The following C1QTNF3 variants were observed in gnomAD, a reference collection of about 807,000 sequenced individuals.
The protein encoded by C1QTNF3 is complement C1q tumor necrosis factor-related protein 3.
Under a neutral mutation model 32.6 loss-of-function variants are expected in C1QTNF3, and 26 were observed. The ratio of observed to expected loss-of-function variants is 0.80; its 90% confidence interval spans 0.58 to 1.11. C1QTNF3 has a LOEUF of 1.11. Among genes scored for constraint, C1QTNF3 ranks in the 50% least tolerant of loss-of-function variants. C1QTNF3 has a pLI of 0.00. For synonymous variants in C1QTNF3, 155 were observed against 146.0 expected (o/e 1.06, Z -0.44); for missense variants, 362 against 398.2 (o/e 0.91, Z 0.77).
chr5:34,240,396 A>C, the C1QTNF3 span, among the ~76,000 whole-genome samples: 1 of 151,638 alleles, frequency 6.6e-6, no homozygotes, highest in South Asian at 2.1e-4. Context: ...AAAGAAAAAA[A>C]AGAGAAGATC....
the C1QTNF3 span, among the ~76,000 whole-genome samples, chr5:34,147,749 C>T: frequency 6.6e-6 from 1 of 152,060 alleles, no homozygotes; most frequent in Admixed American, 6.6e-5. Flanking sequence ...GATGCATACC[C>T]CAAACCTCAG....
At chr5:34,034,026 G>C (rs1433441134) in intron 2 of C1QTNF3, among the ~76,000 whole-genome samples, 1 of 152,124 alleles carries the variant, frequency 6.6e-6, no homozygotes, top group Non-Finnish European at 1.5e-5. Flanking sequence ...AATTAGCCAG[G>C]AGTGGTGGTG....
chr5:34,175,750 G>A, the C1QTNF3 span: 2 of 647,718 alleles, frequency 3.1e-6, no homozygotes, highest in South Asian at 1.8e-5. Flanking sequence ...CAGCCAAAAT[G>A]TCCAGAATGG....
the C1QTNF3 span, among the ~76,000 whole-genome samples, chr5:34,069,661 G>A: frequency 4.6e-5 from 7 of 152,216 alleles, no homozygotes; most frequent in African/African-American, 1.2e-4. Flanking sequence ...CGATGAGAAC[G>A]AAAGCAAAAT....
At chr5:34,147,597 A>G in the C1QTNF3 span, among the ~76,000 whole-genome samples, 2 of 152,116 alleles carry the variant, frequency 1.3e-5, no homozygotes, top group Admixed American at 6.5e-5. Flanking sequence ...CCTCACTTAT[A>G]AGTGGGAAAT....
At chr5:34,170,046 T>C in the C1QTNF3 span, among the ~76,000 whole-genome samples, 29 of 152,342 alleles carry the variant, frequency 1.9e-4, no homozygotes, top group African/African-American at 7.0e-4. Flanking sequence ...CTATGCCCAT[T>C]GGCAGATGAA....
the C1QTNF3 span, among the ~76,000 whole-genome samples, chr5:34,126,344 TGGCAATAGC>T: frequency 6.7e-6 from 1 of 150,004 alleles, no homozygotes; most frequent in Admixed American, 6.7e-5. Context: ...AGAACCTTGG[TGGCAATAGC>T]TCTGAAGTGA....
the C1QTNF3 span, among the ~76,000 whole-genome samples, chr5:34,213,788 T>C: frequency 1.5e-4 from 1 of 6,790 alleles, no homozygotes; most frequent in Non-Finnish European, 5.6e-4. Flanking sequence ...TATATATACA[T>C]ATATATATAT....
Position 34,043,020 on chromosome 5 carries a change from C to T in C1QTNF3, c.106G>A (p.Val36Met), listed in dbSNP as rs373831651. ...TGGCTTTGCACTATTCTTGCCACCA[C>T]TTTATTAGTTCTTCCGCTCACCTCC... The part of the protein sequence containing the change: ...YMEVSGRTNK[V>M]VARIVQSHQQ... Residue 36 changes from valine (V) to methionine (M), a missense_variant, in exon 1 of 6, where the codon GTG becomes ATG. Coordinates refer to ENST00000382065, the MANE Select transcript of C1QTNF3 (RefSeq NM_181435.6). 2 of 1,614,070 alleles carry T rather than the reference C, an allele frequency of 1.2e-6. No homozygotes were observed. Among genetic ancestry groups the T allele is most frequent in the African/African-American group, 2.7e-5 (2 of 74,920 alleles).
the C1QTNF3 span, among the ~76,000 whole-genome samples, chr5:34,113,004 A>G: frequency 7.5e-4 from 114 of 151,312 alleles, no homozygotes; most frequent in African/African-American, 2.6e-3. Context: ...ATCTAATTCA[A>G]TGAGGTTATC....
chr5:34,082,331 T>C, the C1QTNF3 span, among the ~76,000 whole-genome samples: 1 of 151,526 alleles, frequency 6.6e-6, no homozygotes. Context: ...AATGAGAATG[T>C]TGTGTGTCCC....
chr5:34,203,035 G>A, the C1QTNF3 span, among the ~76,000 whole-genome samples: 1 of 152,130 alleles, frequency 6.6e-6, no homozygotes, highest in Non-Finnish European at 1.5e-5. Flanking sequence ...AGCACACACT[G>A]AGGGAATTCG....
At chr5:34,108,343 A>G in the C1QTNF3 span, among the ~76,000 whole-genome samples, 9 of 152,196 alleles carry the variant, frequency 5.9e-5, no homozygotes, top group Non-Finnish European at 8.8e-5. Context: ...TTTGTTTCCA[A>G]TATGTGTTTC....
At chr5:34,237,765 G>A in the C1QTNF3 span, among the ~76,000 whole-genome samples, 1 of 152,172 alleles carries the variant, frequency 6.6e-6, no homozygotes, top group Non-Finnish European at 1.5e-5. Flanking sequence ...CCCCAGAATG[G>A]CTCCTAGGAA....
the C1QTNF3 span, among the ~76,000 whole-genome samples, chr5:34,212,197 T>C: frequency 0.55 from 82,107 of 149,386 alleles, 25,116 homozygotes; most frequent in East Asian, 0.95. Flanking sequence ...AACTGGCTAG[T>C]CATATGGAGA....
chr5:34,169,633 T>G, the C1QTNF3 span, among the ~76,000 whole-genome samples: 1 of 152,178 alleles, frequency 6.6e-6, no homozygotes, highest in Non-Finnish European at 1.5e-5. Context: ...TTCTTGTTTG[T>G]TTTTAGTTTG....
chr5:34,050,668 A>G, the C1QTNF3 span, among the ~76,000 whole-genome samples: 5 of 152,202 alleles, frequency 3.3e-5, no homozygotes, highest in African/African-American at 9.6e-5. Context: ...TACACATCCC[A>G]TCTGAATCAC....
chr5:34,069,601 T>C, the C1QTNF3 span, among the ~76,000 whole-genome samples: 4,145 of 152,300 alleles, frequency 0.027, 91 homozygotes, highest in Non-Finnish European at 0.041. Context: ...TTTAAAATAC[T>C]GAGATTATTA....
At chr5:34,046,104 A>C (rs143132665), upstream of C1QTNF3, among the ~76,000 whole-genome samples, 270 of 152,332 alleles carry the variant, frequency 1.8e-3, 1 homozygote, top group Non-Finnish European at 2.9e-3. Context: ...AGAAAAACAC[A>C]ATGTAAGTTA....
Sources: allele counts gnomAD v4.1 joint callset (sites outside exome capture counted in the v4.1 genomes callset), GRCh38; gene constraint gnomAD v4.1.1; transcripts MANE v1.5; gene names NCBI Gene and HGNC (gene_info 2026-07-23, HGNC 2026-07-21).